Variants in CNTNAP2 observed in about 807,000 individuals in gnomAD.
CNTNAP2 encodes the protein contactin associated protein 2, also known as contactin-associated protein-like 2.
Under a neutral mutation model 155.2 loss-of-function variants are expected in CNTNAP2, and 98 were observed. That is an observed-to-expected ratio of 0.63 (90% CI 0.54 to 0.75). The LOEUF is 0.75. Ranked by LOEUF, CNTNAP2 falls within the 30% of genes least tolerant of loss-of-function variation. The pLI, the probability that CNTNAP2 is intolerant of heterozygous loss-of-function variation, is 0.00. For missense variants in CNTNAP2, 1,727 were observed against 1,688.1 expected (o/e 1.02, Z -0.40); for synonymous variants, 651 against 631.2 (o/e 1.03, Z -0.47).
chr7:147,029,736 C>A (rs115084141), intron 3 of CNTNAP2, among the ~76,000 whole-genome samples: 1,591 of 152,004 alleles, frequency 0.01, 23 homozygotes, highest in African/African-American at 0.027. Context: ...ATTGTTAATG[C>A]TCAAATCAGA....
chr7:146,380,823 G>A (rs1333122716), intron 1 of CNTNAP2, among the ~76,000 whole-genome samples: 1 of 100,322 alleles, frequency 1.0e-5, no homozygotes, highest in African/African-American at 4.7e-5. Flanking sequence ...TTTTTGAGAC[G>A]GAGTCTCGCT....
chr7:146,873,988 A>G (rs990305830), intron 3 of CNTNAP2, among the ~76,000 whole-genome samples: 4 of 152,140 alleles, frequency 2.6e-5, no homozygotes, highest in Non-Finnish European at 2.9e-5. Context: ...GCACCAAATT[A>G]AGTCGGAAAT....
intron 11 of CNTNAP2, among the ~76,000 whole-genome samples, chr7:147,552,407 C>A (rs1420329336): frequency 6.6e-6 from 1 of 151,986 alleles, no homozygotes; most frequent in East Asian, 1.9e-4. Flanking sequence ...ACAAACGTAG[C>A]TATCTTTTTA....
intron 4 of CNTNAP2, among the ~76,000 whole-genome samples, chr7:147,067,369 C>T (rs556986757): frequency 6.6e-6 from 1 of 151,626 alleles, no homozygotes; most frequent in East Asian, 1.9e-4. Flanking sequence ...CTCACAAAGG[C>T]CCCACCTCCA....
chr7:146,722,711 A>AATAT (rs150174989), intron 1 of CNTNAP2, among the ~76,000 whole-genome samples: 24 of 149,172 alleles, frequency 1.6e-4, no homozygotes, highest in African/African-American at 5.6e-4. Context: ...ACACACACAA[A>AATAT]ATATATATAT....
rs149159629 is a variant in CNTNAP2 at position 147,504,174 on chromosome 7, T to C, written c.1777+18133T>C. On this transcript the variant is annotated intron_variant, in intron 11 of 23. Coordinates refer to ENST00000361727, the MANE Select transcript of CNTNAP2 (RefSeq NM_014141.6). Reference sequence around the variant, plus strand: ...GTGGTTCTGAGAAGTTGGTTTTCTATTGGCAGCTCTAGTAGAGAAGCCCTG... The same window carrying C: ...GTGGTTCTGAGAAGTTGGTTTTCTACTGGCAGCTCTAGTAGAGAAGCCCTG... Among the ~76,000 whole-genome samples, 51 of 152,236 alleles carry C rather than the reference T, an allele frequency of 3.4e-4. No individual in the cohort carries two copies. In the East Asian group the frequency reaches 8.7e-3, roughly 26 times the overall value.
chr7:146,610,389 A>G (rs1799117018), intron 1 of CNTNAP2, among the ~76,000 whole-genome samples: 1 of 152,112 alleles, frequency 6.6e-6, no homozygotes, highest in Non-Finnish European at 1.5e-5. Context: ...CATGTTCGGA[A>G]CCTAAATATT....
chr7:146,975,806 T>C (rs1487021578), intron 3 of CNTNAP2, among the ~76,000 whole-genome samples: 3 of 152,146 alleles, frequency 2.0e-5, no homozygotes, highest in Non-Finnish European at 4.4e-5. Flanking sequence ...TTAGAGAGCA[T>C]GTGAATTAAG....
chr7:146,459,185 G>A (rs1484618728), intron 1 of CNTNAP2, among the ~76,000 whole-genome samples: 1 of 152,082 alleles, frequency 6.6e-6, no homozygotes, highest in Non-Finnish European at 1.5e-5. Flanking sequence ...CGATGAAATT[G>A]ATTTTCTCAA....
intron 16 of CNTNAP2, among the ~76,000 whole-genome samples, chr7:148,127,595 CA>C (rs975847395): frequency 1.3e-5 from 2 of 152,182 alleles, no homozygotes; most frequent in Non-Finnish European, 2.9e-5. Context: ...CAGCCTTATG[CA>C]ATATACATGC....
intron 13 of CNTNAP2, among the ~76,000 whole-genome samples, chr7:147,851,033 G>A (rs1165957622): frequency 1.3e-5 from 2 of 152,060 alleles, no homozygotes; most frequent in African/African-American, 2.4e-5. Flanking sequence ...TCTGACAAAG[G>A]GCTAATATCC....
chr7:147,620,759 C>T (rs977409285), intron 12 of CNTNAP2, among the ~76,000 whole-genome samples: 1 of 151,602 alleles, frequency 6.6e-6, no homozygotes, highest in African/African-American at 2.4e-5. Flanking sequence ...AAAATAGCCC[C>T]CAAAGGGAAA....
Position 148,189,151 on chromosome 7 carries a change from C to T in CNTNAP2, c.3010+16673C>T, listed in dbSNP as rs74973407. On this transcript the variant is annotated intron_variant, in intron 18 of 23. Coordinates refer to ENST00000361727, the MANE Select transcript of CNTNAP2 (RefSeq NM_014141.6). ...GTACATGCAGTATACACTGAGAATG[C>T]CTTGTTCTCTGAACACTACCAGCAA... Among the ~76,000 whole-genome samples, 962 of 152,268 alleles carry T rather than the reference C, an allele frequency of 6.3e-3. 6 individuals carry two copies. Among genetic ancestry groups the T allele is most frequent in the African/African-American group, 0.022 (903 of 41,534 alleles).
chr7:147,015,235 G>T (rs535019568), intron 3 of CNTNAP2, among the ~76,000 whole-genome samples: 1 of 152,090 alleles, frequency 6.6e-6, no homozygotes, highest in Non-Finnish European at 1.5e-5. Flanking sequence ...TCTTGAAGTG[G>T]CTCTGGGCAC....
chr7:147,500,622 AAC>A (rs1391480522), intron 11 of CNTNAP2, among the ~76,000 whole-genome samples: 1 of 152,154 alleles, frequency 6.6e-6, no homozygotes, highest in Non-Finnish European at 1.5e-5. Flanking sequence ...TGAATGCACA[AAC>A]ACACACACAT....
Position 146,395,826 on chromosome 7 carries a change from GGAGAGAGAGAGA to G in CNTNAP2, c.97+278872_97+278883del, listed in dbSNP as rs35033097. Among the ~76,000 whole-genome samples, 953 of 116,834 alleles carry G rather than the reference GGAGAGAGAGAGA, an allele frequency of 8.2e-3. 8 individuals carry two copies. The highest frequency in any genetic ancestry group is 0.027 in the African/African-American group (912 of 33,850). The allele number at this position is 116,834 out of a possible 152,430, so 76.6% of individuals were successfully genotyped here. On this transcript the variant is annotated intron_variant, in intron 1 of 23. Coordinates refer to ENST00000361727, the MANE Select transcript of CNTNAP2 (RefSeq NM_014141.6). ...ATAGATAGATAGATAGATAGATAGA[GGAGAGAGAGAGA>G]GAGAGAGAGAGAGAGAGATTAGATG...
chr7:146,975,091 A>G (rs1797882692), intron 3 of CNTNAP2, among the ~76,000 whole-genome samples: 1 of 152,354 alleles, frequency 6.6e-6, no homozygotes, highest in East Asian at 1.9e-4. Flanking sequence ...TTAGGATAGA[A>G]CAGAAGTACA....
At chr7:147,567,023 A>T (rs1584819051) in intron 12 of CNTNAP2, among the ~76,000 whole-genome samples, 2 of 152,268 alleles carry the variant, frequency 1.3e-5, no homozygotes, top group East Asian at 3.9e-4. Context: ...TATACAGTGG[A>T]TGTGGTGGTG....
At chr7:147,505,602 G>A (rs1798893277) in intron 11 of CNTNAP2, among the ~76,000 whole-genome samples, 1 of 152,188 alleles carries the variant, frequency 6.6e-6, no homozygotes, top group Non-Finnish European at 1.5e-5. Flanking sequence ...AGAGCGAGGA[G>A]ATTAATTTAA....
Sources: gnomAD v4.1 joint callset for allele counts (sites outside exome capture counted in the v4.1 genomes callset) on GRCh38, gnomAD v4.1.1 for gene constraint, MANE v1.5 for transcripts, NCBI Gene and HGNC (gene_info 2026-07-23, HGNC 2026-07-21) for gene names.